HORMAD2: variants seen among roughly 807,000 people sequenced by gnomAD.
The protein encoded by HORMAD2 is HORMA domain-containing protein 2.
In HORMAD2, 45 loss-of-function variants were observed where a neutral mutation model predicts 38.8. The ratio of observed to expected loss-of-function variants is 1.16; its 90% confidence interval spans 0.91 to 1.49. The LOEUF (loss-of-function observed/expected upper bound fraction) is 1.49. Ranked by LOEUF, HORMAD2 falls within the 40% of genes most tolerant of loss-of-function variation. HORMAD2 has a pLI of 0.00. For synonymous variants in HORMAD2, 126 were observed against 122.8 expected (o/e 1.03, Z -0.17); for missense variants, 338 against 367.0 (o/e 0.92, Z 0.65).
At chr22:30,086,808 C>G (rs2068578288) in intron 1 of HORMAD2, among the ~76,000 whole-genome samples, 1 of 151,916 alleles carries the variant, frequency 6.6e-6, no homozygotes, top group African/African-American at 2.4e-5. Context: ...TATGTATGTG[C>G]AGGGGGACAG....
chr22:30,119,601 A>G (rs2040833189), intron 8 of HORMAD2, among the ~76,000 whole-genome samples: 1 of 152,242 alleles, frequency 6.6e-6, no homozygotes, highest in African/African-American at 2.4e-5. Flanking sequence ...AGGACATTGA[A>G]GAGCAACGTT....
downstream of HORMAD2, among the ~76,000 whole-genome samples, chr22:30,181,746 G>A (rs1220454969): frequency 3.9e-5 from 6 of 152,184 alleles, no homozygotes; most frequent in South Asian, 4.1e-4. Context: ...CCAGGGATGC[G>A]GATTTGGCCT....
upstream of HORMAD2, among the ~76,000 whole-genome samples, chr22:30,078,692 T>C (rs1311551109): frequency 6.9e-6 from 1 of 145,354 alleles, no homozygotes; most frequent in Non-Finnish European, 1.5e-5. Flanking sequence ...CTGTGTTTGC[T>C]GGTGGGGTAG....
At chr22:30,196,746 C>A in the HORMAD2 span, among the ~76,000 whole-genome samples, 1 of 152,184 alleles carries the variant, frequency 6.6e-6, no homozygotes, top group Non-Finnish European at 1.5e-5. Flanking sequence ...GGTTTCTGTG[C>A]ATGTGGGGTT....
At chr22:30,159,189 T>A (rs1294635649) in intron 10 of HORMAD2, among the ~76,000 whole-genome samples, 1 of 152,166 alleles carries the variant, frequency 6.6e-6, no homozygotes, top group Non-Finnish European at 1.5e-5. Flanking sequence ...TCTTAATCAT[T>A]GAATTTTGAA....
At chr22:30,115,314 G>A (rs761709486) in intron 7 of HORMAD2, among the ~76,000 whole-genome samples, 10 of 152,024 alleles carry the variant, frequency 6.6e-5, no homozygotes, top group Non-Finnish European at 1.3e-4. Context: ...TTTTGCAAAT[G>A]TGGGGTTATG....
intron 7 of HORMAD2, among the ~76,000 whole-genome samples, chr22:30,118,070 C>T (rs1484571159): frequency 6.6e-6 from 1 of 152,010 alleles, no homozygotes; most frequent in African/African-American, 2.4e-5. Flanking sequence ...TATTTCTTCC[C>T]CTCTGCACTT....
chr22:30,081,521 T>A (rs2068474268), intron 1 of HORMAD2, among the ~76,000 whole-genome samples: 1 of 152,184 alleles, frequency 6.6e-6, no homozygotes, highest in Non-Finnish European at 1.5e-5. Context: ...AAGGTCTAAG[T>A]AATTGGGCGA....
rs184578008 is a variant in HORMAD2, at chr22:30,154,206, G to C, written c.820-21857G>C. The stretch of plus-strand genomic sequence containing the variant: ...TGGACACATTTCAGAATAGTCACTA[G>C]ATAGGTTAGAAAAGAATAAGTGTTT... On this transcript the variant is annotated intron_variant, in intron 10 of 10. Coordinates refer to ENST00000336726, the MANE Select transcript of HORMAD2 (RefSeq NM_152510.4). Among the ~76,000 whole-genome samples, 3 of 152,206 alleles carry C rather than the reference G, an allele frequency of 2.0e-5. No homozygotes were observed. The East Asian group carries it at 5.8e-4, about 29-fold the overall frequency.
intron 10 of HORMAD2, among the ~76,000 whole-genome samples, chr22:30,124,110 T>C (rs1922662110): frequency 6.6e-6 from 1 of 152,092 alleles, no homozygotes. Flanking sequence ...CTATATGTAT[T>C]ATATGGACTT....
At chr22:30,078,321 C>A (rs757026), upstream of HORMAD2, among the ~76,000 whole-genome samples, 15,954 of 151,916 alleles carry the variant, frequency 0.11, 1,557 homozygotes, top group South Asian at 0.25. Context: ...AAATGAAGTC[C>A]ATGGCTGGGC....
At chr22:30,181,086 G>T (rs1346085766), downstream of HORMAD2, among the ~76,000 whole-genome samples, 1 of 149,240 alleles carries the variant, frequency 6.7e-6, no homozygotes, top group African/African-American at 2.5e-5. Flanking sequence ...CTGGAGTGCA[G>T]TGGAGCCTCA....
At chr22:30,180,786 T>G (rs1050059341), downstream of HORMAD2, among the ~76,000 whole-genome samples, 6 of 150,760 alleles carry the variant, frequency 4.0e-5, no homozygotes, top group African/African-American at 1.5e-4. Flanking sequence ...TTCCTTTCCC[T>G]TCCCTTCCCT....
the HORMAD2 span, among the ~76,000 whole-genome samples, chr22:30,182,183 C>T: frequency 3.3e-5 from 5 of 152,200 alleles, no homozygotes; most frequent in African/African-American, 1.2e-4. Flanking sequence ...TACTTGCTAT[C>T]TCTGTACATC....
intron 10 of HORMAD2, chr22:30,137,691 A>C (rs1365047297): frequency 6.3e-6 from 1 of 158,428 alleles, no homozygotes; most frequent in East Asian, 1.9e-4. Flanking sequence ...TGTGCTTTTC[A>C]GCCAAAAGGG....
At chr22:30,121,532 T>G in intron 8 of HORMAD2, 100 bp from the exon 9 acceptor site, 1 of 920,814 alleles carries the variant, frequency 1.1e-6, no homozygotes, top group Non-Finnish European at 1.5e-6. Flanking sequence ...TATACTAATG[T>G]TTAATTTATA....
chr22:30,174,746 C>T (rs1926328553), intron 10 of HORMAD2, among the ~76,000 whole-genome samples: 1 of 152,278 alleles, frequency 6.6e-6, no homozygotes, highest in African/African-American at 2.4e-5. Context: ...AACAAGCTAA[C>T]TTTTACCAGA....
intron 10 of HORMAD2, among the ~76,000 whole-genome samples, chr22:30,148,900 G>A (rs150834439): frequency 9.1e-4 from 139 of 152,252 alleles, no homozygotes; most frequent in African/African-American, 3.3e-3. Flanking sequence ...AACTACTTGG[G>A]AGGCTGAGGC....
the HORMAD2 span, among the ~76,000 whole-genome samples, chr22:30,200,479 C>T: frequency 6.6e-6 from 1 of 152,126 alleles, no homozygotes; most frequent in East Asian, 1.9e-4. Flanking sequence ...AATTATGGTT[C>T]TCAATAGCTT....
Sources: gnomAD v4.1 joint callset for allele counts (sites outside exome capture counted in the v4.1 genomes callset) on GRCh38, gnomAD v4.1.1 for gene constraint, MANE v1.5 for transcripts, NCBI Gene and HGNC (gene_info 2026-07-23, HGNC 2026-07-21) for gene names.